The following MKLN1 variants were observed in gnomAD, a reference collection of about 807,000 sequenced individuals.
MKLN1 encodes muskelin.
A neutral mutation model predicts 99.0 loss-of-function variants in MKLN1; 18 were observed. The observed-to-expected ratio is 0.18, with a 90% confidence interval of 0.13 to 0.27. The LOEUF is 0.27. MKLN1 is among the 10% of genes least tolerant of loss of function. MKLN1 has a pLI of 1.00. For synonymous variants in MKLN1, 288 were observed against 293.2 expected, an observed-to-expected ratio of 0.98 and a Z score of 0.18; for missense variants, 621 against 875.9, an observed-to-expected ratio of 0.71 and a Z score of 3.67.
At chr7:131,194,050 G>A (rs1796607607) in intron 2 of MKLN1, among the ~76,000 whole-genome samples, 2 of 143,780 alleles carry the variant, frequency 1.4e-5, no homozygotes, top group Non-Finnish European at 3.0e-5. Flanking sequence ...TTATTGCCCC[G>A]GCTGGTCTTG....
At chr7:131,135,284 G>C (rs113601451) in intron 1 of MKLN1, among the ~76,000 whole-genome samples, 1 of 152,024 alleles carries the variant, frequency 6.6e-6, no homozygotes, top group Non-Finnish European at 1.5e-5. Context: ...CACCACGCCC[G>C]GCTAATTTTT....
intron 14 of MKLN1, among the ~76,000 whole-genome samples, chr7:131,465,726 A>T (rs1796643458): frequency 6.6e-6 from 1 of 151,966 alleles, no homozygotes; most frequent in African/African-American, 2.4e-5. Flanking sequence ...TTTTTAGTAG[A>T]GACGGGGTTT....
intron 1 of MKLN1, among the ~76,000 whole-genome samples, chr7:131,130,864 A>T (rs967731955): frequency 1.3e-5 from 2 of 151,952 alleles, no homozygotes; most frequent in African/African-American, 4.8e-5. Context: ...ACCAGCCTGG[A>T]CAACATAGTA....
chr7:131,393,611 T>TTTTTGTTTTG (rs151210709), intron 4 of MKLN1, among the ~76,000 whole-genome samples: 7 of 151,888 alleles, frequency 4.6e-5, no homozygotes, highest in Admixed American at 1.3e-4. Flanking sequence ...TTTTAAAAGG[T>TTTTTGTTTTG]TTTTGTTTTG....
At chr7:131,142,893 T>C (rs778204450) in exon 2 of MKLN1, 15 of 1,304,252 alleles carry the variant, frequency 1.2e-5, no homozygotes, top group Middle Eastern at 2.1e-4. Flanking sequence ...CCATAAACTA[T>C]TGGATTCATA....
intron 4 of MKLN1, among the ~76,000 whole-genome samples, chr7:131,390,074 A>C (rs1272528988): frequency 6.6e-6 from 1 of 152,198 alleles, no homozygotes; most frequent in African/African-American, 2.4e-5. Context: ...ATTGTTTGCC[A>C]ATCTATCAAG....
At chr7:131,380,488 T>C (rs555908185) in intron 2 of MKLN1, among the ~76,000 whole-genome samples, 1 of 152,268 alleles carries the variant, frequency 6.6e-6, no homozygotes, top group East Asian at 1.9e-4. Context: ...CTTATGAGAA[T>C]AAAATAAGAA....
At chr7:131,171,578 T>G (rs879796289) in intron 2 of MKLN1, among the ~76,000 whole-genome samples, 2 of 152,132 alleles carry the variant, frequency 1.3e-5, no homozygotes, top group Non-Finnish European at 2.9e-5. Context: ...TGCCTCAGCC[T>G]CCCAAGTAGC....
At position 131,491,584 on chromosome 7, in the gene MKLN1, G is replaced by T. The variant is rs967228609; in HGVS notation, c.*3856G>T. ...TCCAAAGCTTCTAGTCTAGAGGTCT[G>T]TTGGTTGAAGGCAGACATTTCCAAG... On this transcript the variant is annotated 3_prime_UTR_variant, in exon 18 of 18. Transcript: ENST00000352689. 6.6e-6 allele frequency: 1 copy of T among 152,184 alleles called. No individual in the cohort carries two copies. The highest frequency in any genetic ancestry group is 1.9e-4 in the East Asian group (1 of 5,198). 9.4% of individuals were successfully genotyped at this position (152,184 alleles called of 1,614,324 possible).
intron 12 of MKLN1, among the ~76,000 whole-genome samples, chr7:131,456,845 A>G (rs78316828): frequency 0.02 from 3,001 of 152,190 alleles, 82 homozygotes; most frequent in African/African-American, 0.066. Flanking sequence ...GTCCTCTCCA[A>G]TATATCTTAC....
At position 131,242,421 on chromosome 7, in the gene MKLN1, G is replaced by A. The variant is rs749532420; in HGVS notation, c.-179+39447G>A. 1.7e-4 allele frequency among the ~76,000 whole-genome samples: 26 copies of A among 152,024 alleles called. 1 individual carries two copies. The highest frequency in any genetic ancestry group is 1.9e-4 in the East Asian group (1 of 5,190). On this transcript the variant is annotated intron_variant, in intron 3 of 7. Coordinates refer to the MKLN1 transcript ENST00000416992. ...TATGGTGGGGCATGCCTGTAGTCCC[G>A]GCTACTCAGGAGGCTGACGTGTGAG...
At chr7:131,230,615 A>AT (rs1256096235) in intron 3 of MKLN1, among the ~76,000 whole-genome samples, 1 of 152,242 alleles carries the variant, frequency 6.6e-6, no homozygotes, top group Admixed American at 6.5e-5. Context: ...TTTACCATAC[A>AT]TCTTGCCCTT....
At chr7:131,450,103 G>T (rs1796136059) in intron 12 of MKLN1, among the ~76,000 whole-genome samples, 1 of 152,048 alleles carries the variant, frequency 6.6e-6, no homozygotes, top group Non-Finnish European at 1.5e-5. Context: ...GCTTCACTAT[G>T]AACTAGTTTG....
At chr7:131,191,502 A>G (rs966870123) in intron 2 of MKLN1, among the ~76,000 whole-genome samples, 14 of 152,168 alleles carry the variant, frequency 9.2e-5, no homozygotes. Context: ...CAGAGAATAA[A>G]TTACTTCCAC....
intron 1 of MKLN1, among the ~76,000 whole-genome samples, chr7:131,369,977 C>T (rs911177716): frequency 4.6e-5 from 7 of 152,134 alleles, no homozygotes; most frequent in East Asian, 1.9e-4. Context: ...GCTGGGATTA[C>T]GGGCACGTGC....
intron 9 of MKLN1, among the ~76,000 whole-genome samples, chr7:131,430,140 G>A (rs1795480719): frequency 6.6e-6 from 1 of 152,020 alleles, no homozygotes; most frequent in Non-Finnish European, 1.5e-5. Flanking sequence ...CAAAACAGTA[G>A]GAGCCTCAAA....
chr7:131,382,821 TC>T (rs1793892070), intron 2 of MKLN1, among the ~76,000 whole-genome samples: 1 of 151,900 alleles, frequency 6.6e-6, no homozygotes, highest in South Asian at 2.1e-4. Flanking sequence ...CCCCATAGGT[TC>T]ATGCCATTCT....
intron 2 of MKLN1, among the ~76,000 whole-genome samples, chr7:131,171,425 T>C (rs1796213036): frequency 6.6e-6 from 1 of 152,170 alleles, no homozygotes; most frequent in Non-Finnish European, 1.5e-5. Flanking sequence ...GTTTTTACTG[T>C]ATGTATACTT....
At chr7:131,174,187 T>C (rs781370032) in intron 2 of MKLN1, among the ~76,000 whole-genome samples, 37 of 152,170 alleles carry the variant, frequency 2.4e-4, no homozygotes, top group Admixed American at 4.6e-4. Flanking sequence ...TTAACCAAGA[T>C]GGTCTCGATC....
Sources: gnomAD v4.1 joint callset for allele counts (sites outside exome capture counted in the v4.1 genomes callset) on GRCh38, gnomAD v4.1.1 for gene constraint, MANE v1.5 for transcripts, NCBI Gene and HGNC (gene_info 2026-07-23, HGNC 2026-07-21) for gene names.